The following CREB5 variants were observed in gnomAD, a reference collection of about 807,000 sequenced individuals.
The protein encoded by CREB5 is cAMP responsive element binding protein 5, also known as cyclic AMP-responsive element-binding protein 5.
CREB5 carries 19 observed loss-of-function variants against 57.1 expected under a neutral mutation model. The observed-to-expected ratio is 0.33, with a 90% CI of 0.23 to 0.49. CREB5 has a LOEUF of 0.49. CREB5 is among the 20% of genes least tolerant of loss of function. The pLI is 0.99. For missense variants in CREB5, 579 were observed against 671.6 expected (o/e 0.86, Z 1.52); for synonymous variants, 238 against 238.3 (o/e 1.00, Z 0.01).
chr7:28,620,218 T>C (rs1797742343), intron 5 of CREB5, among the ~76,000 whole-genome samples: 1 of 152,198 alleles, frequency 6.6e-6, no homozygotes. Context: ...AGAATTTATT[T>C]CACTTTGTTC....
At chr7:28,788,819 CT>C (rs1807487414) in intron 7 of CREB5, among the ~76,000 whole-genome samples, 1 of 145,594 alleles carries the variant, frequency 6.9e-6, no homozygotes, top group Admixed American at 6.9e-5. Context: ...GGTTAAAACC[CT>C]CTTCTGGTTT....
chr7:28,419,702 A>G (rs897738560), intron 1 of CREB5, among the ~76,000 whole-genome samples: 2 of 152,344 alleles, frequency 1.3e-5, no homozygotes, highest in African/African-American at 4.8e-5. Flanking sequence ...TAGGATGCCC[A>G]TGGACACATT....
At chr7:28,580,747 G>T (rs1440361980) in intron 5 of CREB5, among the ~76,000 whole-genome samples, 1 of 152,126 alleles carries the variant, frequency 6.6e-6, no homozygotes, top group Non-Finnish European at 1.5e-5. Context: ...TGAGTTGGCA[G>T]TTTGGAGCCT....
chr7:28,382,322 C>T (rs768208970), intron 1 of CREB5, among the ~76,000 whole-genome samples: 70 of 152,240 alleles, frequency 4.6e-4, no homozygotes, highest in East Asian at 1.9e-4. Flanking sequence ...CAGACACACC[C>T]GGGGCAGTCC....
chr7:28,732,720 CTT>C (rs35952532), intron 7 of CREB5, among the ~76,000 whole-genome samples: 15 of 131,820 alleles, frequency 1.1e-4, no homozygotes, highest in Non-Finnish European at 1.3e-4. Flanking sequence ...CTCTGTCTTG[CTT>C]TTTTTTTTTT....
intron 5 of CREB5, among the ~76,000 whole-genome samples, chr7:28,654,115 T>C (rs993563765): frequency 6.6e-6 from 1 of 152,220 alleles, no homozygotes; most frequent in Non-Finnish European, 1.5e-5. Context: ...ACCAGACCTC[T>C]AATGAAAACA....
rs755160320 is a variant in CREB5 at position 28,718,792 on chromosome 7, C to T, written c.504C>T (p.His168=). 9.3e-6 allele frequency: 15 copies of T among 1,614,006 alleles called. No individual in the cohort carries two copies. The East Asian group carries it at 3.3e-4, about 36-fold the overall frequency. ...PGSLSSLLHL[H]NRQRQPMPAS... Reference sequence around the variant, plus strand: ...CTCTATCTTCTCTGCTACATCTCCACAACAGACAGAGACAGCCCATGCCAG... The same window carrying T: ...CTCTATCTTCTCTGCTACATCTCCATAACAGACAGAGACAGCCCATGCCAG... The change falls in exon 6 of 11, where the codon CAC becomes CAT. Residue 168 remains histidine (H), a synonymous_variant. Coordinates refer to ENST00000357727, the MANE Select transcript of CREB5 (RefSeq NM_182898.4).
At position 28,757,486 on chromosome 7, in the gene CREB5, C is replaced by T. The variant is rs191844273; in HGVS notation, c.702+33154C>T. On this transcript the variant is annotated intron_variant, in intron 7 of 10. Transcript: ENST00000357727. ...AGGAGATCGAGACCATCCTGGCTAA[C>T]GCGGTGAAACCCCGTCTCTACTAAA... Among the ~76,000 whole-genome samples the T allele has an allele frequency of 3.0e-3, 459 of 152,174 alleles. 4 individuals carry two copies. The highest frequency in any genetic ancestry group is 9.3e-3 in the African/African-American group (386 of 41,522).
At chr7:28,719,797 C>G (rs1802913957) in intron 6 of CREB5, among the ~76,000 whole-genome samples, 1 of 152,114 alleles carries the variant, frequency 6.6e-6, no homozygotes, top group Non-Finnish European at 1.5e-5. Flanking sequence ...CGTGGTGGCT[C>G]TCGCCTGTAA....
intron 5 of CREB5, among the ~76,000 whole-genome samples, chr7:28,654,847 C>G (rs1799274356): frequency 6.6e-6 from 1 of 152,064 alleles, no homozygotes; most frequent in African/African-American, 2.4e-5. Flanking sequence ...AATTCAAGAC[C>G]CCCGTGACCT....
chr7:28,495,096 G>T (rs538038288), intron 3 of CREB5, 97 bp downstream of exon 3: 4 of 734,774 alleles, frequency 5.4e-6, no homozygotes, highest in Admixed American at 6.2e-5. Flanking sequence ...CTGGTAAATT[G>T]TGCACCTTGA....
At chr7:28,776,535 T>G (rs1166545765) in intron 7 of CREB5, among the ~76,000 whole-genome samples, 2 of 152,198 alleles carry the variant, frequency 1.3e-5, no homozygotes, top group East Asian at 3.8e-4. Context: ...TAAACTTTCT[T>G]TAAACTGAGC....
intron 10 of CREB5, chr7:28,818,872 C>G (rs1252340524): frequency 3.5e-6 from 2 of 577,370 alleles, no homozygotes; most frequent in African/African-American, 3.7e-5. Flanking sequence ...GACTGAAACA[C>G]ATCAAATCAT....
At position 28,619,743 on chromosome 7, in the gene CREB5, A is replaced by G. The variant is rs978830047; in HGVS notation, c.464+49206A>G. On this transcript the variant is annotated intron_variant, in intron 5 of 10. Transcript: ENST00000357727. The stretch of plus-strand genomic sequence containing the variant: ...CCACCTCTGTTACTCCAGGATGACG[A>G]TGAAGGAAACCCTGAGAATCAAGAG... Among the ~76,000 whole-genome samples the G allele has an allele frequency of 3.9e-4, 59 of 152,320 alleles. 1 individual carries two copies. The highest frequency in any genetic ancestry group is 2.5e-3 in the Admixed American group (38 of 15,290).
chr7:28,745,540 C>T (rs1804640133), intron 7 of CREB5, among the ~76,000 whole-genome samples: 1 of 152,186 alleles, frequency 6.6e-6, no homozygotes, highest in East Asian at 1.9e-4. Flanking sequence ...GTGATATGAT[C>T]CTCTCAGAAG....
At chr7:28,548,594 G>A (rs1794505377) in intron 4 of CREB5, among the ~76,000 whole-genome samples, 1 of 152,102 alleles carries the variant, frequency 6.6e-6, no homozygotes, top group Non-Finnish European at 1.5e-5. Flanking sequence ...TATGTGTTGG[G>A]AACTTTCCAA....
At chr7:28,802,190 TTG>T in intron 7 of CREB5, among the ~76,000 whole-genome samples, 1 of 151,888 alleles carries the variant, frequency 6.6e-6, no homozygotes, top group South Asian at 2.1e-4. Context: ...TCAGTAGCTG[TTG>T]TGCAGTATCT....
chr7:28,671,577 C>G (rs568955485), intron 5 of CREB5, among the ~76,000 whole-genome samples: 3 of 152,074 alleles, frequency 2.0e-5, no homozygotes, highest in African/African-American at 7.2e-5. Flanking sequence ...GTTGCTTAGT[C>G]GCCAGTCAAC....
chr7:28,390,437 T>C (rs1375573996), intron 1 of CREB5, among the ~76,000 whole-genome samples: 1 of 152,236 alleles, frequency 6.6e-6, no homozygotes, highest in Non-Finnish European at 1.5e-5. Flanking sequence ...AAATGAAATA[T>C]GTTACTGATC....
Sources: allele counts gnomAD v4.1 joint callset (sites outside exome capture counted in the v4.1 genomes callset), GRCh38; gene constraint gnomAD v4.1.1; transcripts MANE v1.5; gene names NCBI Gene and HGNC (gene_info 2026-07-23, HGNC 2026-07-21).